The following PCDH15 variants were observed in gnomAD, a reference collection of about 807,000 sequenced individuals.
PCDH15 encodes protocadherin-15.
In PCDH15, 129 loss-of-function variants were observed where a neutral mutation model predicts 178.5. That is an observed-to-expected ratio of 0.72 (90% CI 0.63 to 0.84). The LOEUF (loss-of-function observed/expected upper bound fraction) is 0.84. Ranked by LOEUF, PCDH15 falls within the 40% of genes least tolerant of loss-of-function variation. The probability of loss-of-function intolerance (pLI) is 0.00; values close to 1 mark genes in which losing one functional copy is unlikely to be tolerated. For missense variants in PCDH15, 2,230 were observed against 2,099.9 expected (o/e 1.06, Z -1.21); for synonymous variants, 800 against 732.0 (o/e 1.09, Z -1.50).
At chr10:55,384,243 T>C (rs1837601828) in intron 2 of PCDH15, among the ~76,000 whole-genome samples, 1 of 152,114 alleles carries the variant, frequency 6.6e-6, no homozygotes, top group Non-Finnish European at 1.5e-5. Context: ...TGAATCACCT[T>C]TTACTTGTTG....
chr10:53,965,474 C>A (rs2660183), intron 21 of PCDH15, among the ~76,000 whole-genome samples: 109,807 of 152,162 alleles, frequency 0.72, 39,907 homozygotes, highest in East Asian at 0.87. Context: ...ACACTAAAAC[C>A]GAAGTCTTTT....
chr10:54,157,220 C>A (rs2045249664), intron 13 of PCDH15, among the ~76,000 whole-genome samples: 1 of 152,254 alleles, frequency 6.6e-6, no homozygotes, highest in Admixed American at 6.5e-5. Context: ...TTCCCTTCTG[C>A]ACTGCCCTAG....
intron 3 of PCDH15, among the ~76,000 whole-genome samples, chr10:54,868,791 G>T (rs1267725369): frequency 1.3e-5 from 2 of 151,986 alleles, no homozygotes; most frequent in African/African-American, 4.8e-5. Context: ...AGCAATCAAT[G>T]TTATTATCTG....
intron 28 of PCDH15, among the ~76,000 whole-genome samples, chr10:53,842,990 G>A (rs570070260): frequency 4.6e-5 from 7 of 152,108 alleles, no homozygotes; most frequent in Admixed American, 4.6e-4. Context: ...TATTGTGCTT[G>A]GGTTCTTTTC....
intron 8 of PCDH15, among the ~76,000 whole-genome samples, chr10:54,257,030 T>TTCTC (rs1403182039): frequency 6.7e-6 from 1 of 150,104 alleles, no homozygotes; most frequent in East Asian, 2.0e-4. Context: ...CACTTTCTCA[T>TTCTC]TCTCTCTCTC....
chr10:54,561,317 G>C (rs951750209), intron 2 of PCDH15, among the ~76,000 whole-genome samples: 1 of 152,068 alleles, frequency 6.6e-6, no homozygotes, highest in African/African-American at 2.4e-5. Flanking sequence ...GTTAATTGTA[G>C]AAATACAATC....
At chr10:55,102,440 T>C (rs1477763176) in intron 2 of PCDH15, among the ~76,000 whole-genome samples, 2 of 152,108 alleles carry the variant, frequency 1.3e-5, no homozygotes, top group Non-Finnish European at 2.9e-5. Context: ...TTTTAATACA[T>C]ACTTATGATA....
chr10:54,825,999 T>A (rs572325866), intron 3 of PCDH15, among the ~76,000 whole-genome samples: 1 of 152,248 alleles, frequency 6.6e-6, no homozygotes, highest in African/African-American at 2.4e-5. Flanking sequence ...TTAAAATTTT[T>A]CAGTCAGTAT....
chr10:54,729,017 A>T (rs772764732), intron 1 of PCDH15, among the ~76,000 whole-genome samples: 1 of 151,668 alleles, frequency 6.6e-6, no homozygotes, highest in Non-Finnish European at 1.5e-5. Context: ...TACAAATTCA[A>T]TGCTATTCCA....
chr10:54,844,023 T>G (rs998863320), intron 3 of PCDH15, among the ~76,000 whole-genome samples: 6 of 152,022 alleles, frequency 3.9e-5, no homozygotes, highest in African/African-American at 1.4e-4. Flanking sequence ...CTGAAATAAC[T>G]TTTCTTATAT....
intron 8 of PCDH15, among the ~76,000 whole-genome samples, chr10:54,291,117 A>T (rs766331327): frequency 3.3e-5 from 5 of 152,188 alleles, no homozygotes; most frequent in African/African-American, 1.2e-4. Context: ...ATCACAACAA[A>T]TTGTCTCTCA....
intron 8 of PCDH15, among the ~76,000 whole-genome samples, chr10:54,313,871 T>G (rs549582335): frequency 1.0e-3 from 159 of 152,154 alleles, no homozygotes; most frequent in South Asian, 4.1e-3. Flanking sequence ...AGGTCAATGA[T>G]TCTTTGTAAA....
At chr10:53,817,491 T>C (rs1023605893) in intron 34 of PCDH15, among the ~76,000 whole-genome samples, 1 of 151,024 alleles carries the variant, frequency 6.6e-6, no homozygotes, top group African/African-American at 2.4e-5. Context: ...CCTATATATA[T>C]ATTCTTTGTT....
chr10:54,135,576 A>C (rs1357819496), intron 14 of PCDH15, among the ~76,000 whole-genome samples: 1 of 152,206 alleles, frequency 6.6e-6, no homozygotes, highest in Non-Finnish European at 1.5e-5. Flanking sequence ...AGCAGCCCCA[A>C]GATGTAAAAC....
intron 2 of PCDH15, among the ~76,000 whole-genome samples, chr10:55,155,435 C>T (rs187302101): frequency 7.2e-6 from 1 of 138,294 alleles, no homozygotes; most frequent in East Asian, 2.2e-4. Context: ...TTCTTGCACA[C>T]ATTTCTAAGA....
intron 13 of PCDH15, among the ~76,000 whole-genome samples, chr10:54,156,664 A>G (rs2045184596): frequency 6.6e-6 from 1 of 152,192 alleles, no homozygotes; most frequent in African/African-American, 2.4e-5. Context: ...ATGTTCTCAC[A>G]TTTCAAAACC....
chr10:55,359,745 TATACACACACACACAC>T (rs1845182026), intron 2 of PCDH15, among the ~76,000 whole-genome samples: 1 of 131,760 alleles, frequency 7.6e-6, no homozygotes, highest in Non-Finnish European at 1.6e-5. Context: ...TATATATATA[TATACACACACACACAC>T]ACACACACAC....
chr10:54,640,858 C>G (rs1429281339), intron 2 of PCDH15, among the ~76,000 whole-genome samples: 1 of 152,126 alleles, frequency 6.6e-6, no homozygotes, highest in African/African-American at 2.4e-5. Flanking sequence ...AACCCCAGCA[C>G]TTTGGGAGGC....
intron 2 of PCDH15, among the ~76,000 whole-genome samples, chr10:54,974,040 TTCTCTCTC>T (rs72538027): frequency 6.9e-6 from 1 of 144,276 alleles, no homozygotes. Flanking sequence ...CTCTCCTTCC[TTCTCTCTC>T]TCTCTCTCTC....
Sources: gnomAD v4.1 joint callset for allele counts (sites outside exome capture counted in the v4.1 genomes callset) on GRCh38, gnomAD v4.1.1 for gene constraint, MANE v1.5 for transcripts, NCBI Gene and HGNC (gene_info 2026-07-23, HGNC 2026-07-21) for gene names.